Variants in OSMR observed in about 807,000 individuals in gnomAD.
OSMR encodes the protein oncostatin-M-specific receptor subunit beta.
In OSMR, 81 loss-of-function variants were observed where a neutral mutation model predicts 99.9. The ratio of observed to expected loss-of-function variants is 0.81; its 90% confidence interval spans 0.68 to 0.97. The LOEUF is 0.97. Ranked by LOEUF, OSMR falls within the 50% of genes least tolerant of loss-of-function variation. OSMR has a pLI of 0.00. For synonymous variants in OSMR, 406 were observed against 410.4 expected, an observed-to-expected ratio of 0.99 and a Z score of 0.13; for missense variants, 1,099 against 1,153.4, an observed-to-expected ratio of 0.95 and a Z score of 0.68.
intron 7 of OSMR, among the ~76,000 whole-genome samples, chr5:38,902,433 G>T (rs1023764762): frequency 6.6e-6 from 1 of 152,092 alleles, no homozygotes; most frequent in Non-Finnish European, 1.5e-5. Flanking sequence ...AAGCATCTTG[G>T]GTCACTATGT....
In OSMR at chr5:38,924,624, A is replaced by T. The variant is rs774754178; in HGVS notation, c.2044+29A>T. 2.6e-6 allele frequency: 4 copies of T among 1,513,660 alleles called. No homozygotes were observed. The South Asian group carries it at 4.5e-5, about 17-fold the overall frequency. 93.8% of individuals were successfully genotyped at this position (1,513,660 alleles called of 1,614,324 possible). Reference sequence around the variant, plus strand: ...ACATCTATTTTTAATTTGTTTATTTATTCTTTCAAGATCTCATTATTTGAA... The same window carrying T: ...ACATCTATTTTTAATTTGTTTATTTTTTCTTTCAAGATCTCATTATTTGAA... On this transcript the variant is annotated intron_variant, in intron 14 of 17. Coordinates refer to ENST00000274276, the MANE Select transcript of OSMR (RefSeq NM_003999.3).
chr5:38,865,783 G>A (rs996106566), intron 1 of OSMR, among the ~76,000 whole-genome samples: 2 of 152,226 alleles, frequency 1.3e-5, no homozygotes, highest in African/African-American at 4.8e-5. Context: ...GGCCAGGCAG[G>A]CAGACAGATC....
intron 1 of OSMR, chr5:38,942,313 A>G (rs750381867): frequency 3.1e-6 from 5 of 1,588,928 alleles, no homozygotes; most frequent in South Asian, 1.1e-5. Context: ...GTCAGGATTC[A>G]GCAGATGTAT....
At chr5:38,927,664 C>CATG (rs1346040454) in intron 15 of OSMR, among the ~76,000 whole-genome samples, 3 of 152,166 alleles carry the variant, frequency 2.0e-5, no homozygotes, top group African/African-American at 7.2e-5. Flanking sequence ...GAGGGGTGGC[C>CATG]ATGAAGACCT....
intron 7 of OSMR, among the ~76,000 whole-genome samples, chr5:38,887,307 A>ACAGT (rs1743849517): frequency 6.6e-6 from 1 of 152,234 alleles, no homozygotes; most frequent in East Asian, 1.9e-4. Context: ...GATCAGAAGG[A>ACAGT]CAGTCACCTA....
At chr5:38,862,572 C>G (rs1292244068) in intron 1 of OSMR, among the ~76,000 whole-genome samples, 21 of 149,278 alleles carry the variant, frequency 1.4e-4, no homozygotes, top group Admixed American at 6.7e-5. Context: ...ACGGGGCGGC[C>G]GGGCAGAGAT....
intron 9 of OSMR, among the ~76,000 whole-genome samples, chr5:38,908,541 T>C (rs780084331): frequency 6.6e-6 from 1 of 152,188 alleles, no homozygotes. Flanking sequence ...CTGAGATCAG[T>C]TCGGCCTCTC....
rs1458083226 is a variant in OSMR, at chr5:38,933,485, A to G, written c.*41A>G. 1.2e-6 allele frequency: 2 copies of G among 1,610,890 alleles called. No individual in the cohort carries two copies. Among genetic ancestry groups the G allele is most frequent in the Middle Eastern group, 1.7e-4 (1 of 6,056 alleles). ...CATACCTTATGCTACACAGACATTA[A>G]GAAGAGCAGAGCTGGCACCCTGTCA... On this transcript the variant is annotated 3_prime_UTR_variant, in exon 18 of 18. Transcript: ENST00000274276.
chr5:38,893,997 G>A (rs1744326459), intron 7 of OSMR, among the ~76,000 whole-genome samples: 1 of 152,232 alleles, frequency 6.6e-6, no homozygotes, highest in African/African-American at 2.4e-5. Context: ...AACCTTACAA[G>A]CCAGAAGAGA....
chr5:38,940,292 G>T (rs754149116), downstream of OSMR: 5 of 231,132 alleles, frequency 2.2e-5, no homozygotes, highest in Admixed American at 1.7e-4. Flanking sequence ...AACTTTTGAG[G>T]GATTAAACCA....
chr5:38,924,687 C>T, intron 14 of OSMR, 92 bp downstream of exon 14: 3 of 1,123,094 alleles, frequency 2.7e-6, no homozygotes, highest in South Asian at 2.5e-5. Context: ...AGACTGTGGC[C>T]AGGCTGAATT....
downstream of OSMR, chr5:38,937,964 T>C (rs541336131): frequency 5.3e-6 from 1 of 187,800 alleles, no homozygotes; most frequent in South Asian, 2.0e-4. This position sits in a 1 kb window ranked among gnomAD's most constrained non-coding sequence, Gnocchi z 4.0. Flanking sequence ...ATCCCTTTGA[T>C]AAGATTATGC....
At position 38,883,904 on chromosome 5, in the gene OSMR, ATT is replaced by A; in HGVS notation, c.498_499del (p.Ile166MetfsTer5). Reference protein sequence around the residue: ...KLVEEGTNVTICYVSRNIQNN... With the variant: ...KLVEEGTNVTXCYVSRNIQNN... ...GGTGGAAGAAGGCACCAATGTTACCATTTGTTACGTTTCTAGGAACATTCAAA... is the reference window on the plus strand; with the variant it reads ...GGTGGAAGAAGGCACCAATGTTACCATGTTACGTTTCTAGGAACATTCAAA... On this transcript the variant is annotated frameshift_variant, in exon 5 of 18. Transcript: ENST00000274276. LOFTEE classifies it high-confidence loss of function. 6.2e-7 allele frequency: 1 copy of A among 1,613,718 alleles called. No homozygotes were observed. The highest frequency in any genetic ancestry group is 8.5e-7 in the Non-Finnish European group (1 of 1,179,696).
intron 15 of OSMR, among the ~76,000 whole-genome samples, chr5:38,925,961 T>C (rs372873048): frequency 1.3e-5 from 2 of 152,252 alleles, no homozygotes; most frequent in South Asian, 2.1e-4. Flanking sequence ...GGTGGAGAGA[T>C]AGATCTTTTC....
intron 1 of OSMR, among the ~76,000 whole-genome samples, chr5:38,863,667 A>C (rs748298314): frequency 6.6e-5 from 10 of 152,200 alleles, no homozygotes; most frequent in Admixed American, 2.6e-4. Context: ...AATGTCTGTT[A>C]GGTCCATTTG....
intron 7 of OSMR, among the ~76,000 whole-genome samples, chr5:38,894,435 G>A (rs1253525908): frequency 6.6e-6 from 1 of 152,058 alleles, no homozygotes; most frequent in Admixed American, 6.6e-5. Flanking sequence ...CAATCTGTCT[G>A]CTATCTTCAA....
At chr5:38,918,810 T>C (rs199907044) in intron 10 of OSMR, 30 bp from the exon 11 acceptor site, 64 of 1,612,292 alleles carry the variant, frequency 4.0e-5, no homozygotes, top group Non-Finnish European at 5.3e-5. Context: ...TTAAAACCCA[T>C]TTAAAAATGT....
intron 1 of OSMR, chr5:38,941,705 A>G (rs1747591043): frequency 4.3e-6 from 1 of 232,224 alleles, no homozygotes; most frequent in African/African-American, 2.2e-5. Flanking sequence ...ATAACTTATA[A>G]GTCCCGGGTT....
chr5:38,937,376 T>C (rs1014921142), downstream of OSMR, among the ~76,000 whole-genome samples: 3 of 152,178 alleles, frequency 2.0e-5, no homozygotes, highest in Non-Finnish European at 4.4e-5. The surrounding 1 kb of genome is among the most constrained non-coding windows in gnomAD (Gnocchi z 4.0). Context: ...GTGGAAGACA[T>C]TGGGAAAAAA....
Sources: allele counts gnomAD v4.1 joint callset (sites outside exome capture counted in the v4.1 genomes callset), GRCh38; gene constraint gnomAD v4.1.1; non-coding constraint Gnocchi (gnomAD v3.1); transcripts MANE v1.5; gene names NCBI Gene and HGNC (gene_info 2026-07-23, HGNC 2026-07-21).